The following FBXW11 variants were observed in gnomAD, a reference collection of about 807,000 sequenced individuals.
The protein encoded by FBXW11 is F-box/WD repeat-containing protein 11.
Under a neutral mutation model 77.6 loss-of-function variants are expected in FBXW11, and 19 were observed. The ratio of observed to expected loss-of-function variants is 0.24; its 90% CI spans 0.17 to 0.36. The LOEUF (loss-of-function observed/expected upper bound fraction) is 0.36. FBXW11 is among the 10% of genes least tolerant of loss of function. FBXW11 has a pLI of 1.00. For missense variants in FBXW11, 334 were observed against 704.2 expected, an observed-to-expected ratio of 0.47 and a Z score of 5.95; for synonymous variants, 235 against 249.4, an observed-to-expected ratio of 0.94 and a Z score of 0.54.
At chr5:171,957,203 G>A (rs1763658770) in intron 2 of FBXW11, among the ~76,000 whole-genome samples, 1 of 152,144 alleles carries the variant, frequency 6.6e-6, no homozygotes, top group Non-Finnish European at 1.5e-5. Flanking sequence ...CCAAAAGGAT[G>A]AGTTTCAAAA....
At position 171,868,618 on chromosome 5, in the gene FBXW11, G is replaced by T. The variant is rs766312829; in HGVS notation, c.*17C>A. The stretch of plus-strand genomic sequence containing the variant: ...GAGAGGATAGTACTCACCTGAAACG[G>T]GTGAAAGTGCAGACTGTTATCTAGA... On this transcript the variant is annotated 3_prime_UTR_variant, in exon 13 of 14. Coordinates refer to ENST00000517395, the MANE Select transcript of FBXW11 (RefSeq NM_001378974.1). 1.2e-6 allele frequency: 2 copies of T among 1,608,612 alleles called. No individual in the cohort carries two copies. Among genetic ancestry groups the T allele is most frequent in the African/African-American group, 1.3e-5 (1 of 74,810 alleles).
At chr5:171,988,443 G>A (rs756347276) in intron 1 of FBXW11, among the ~76,000 whole-genome samples, 3 of 152,196 alleles carry the variant, frequency 2.0e-5, no homozygotes, top group Non-Finnish European at 4.4e-5. Flanking sequence ...CTGAGCATTA[G>A]CAAAGACTGT....
At chr5:171,906,797 C>G (rs562223665) in intron 4 of FBXW11, among the ~76,000 whole-genome samples, 1 of 152,166 alleles carries the variant, frequency 6.6e-6, no homozygotes, top group East Asian at 1.9e-4. Flanking sequence ...TTTCCTGTCA[C>G]GCTGCTCTGG....
rs190012949 is a variant in FBXW11, at chr5:171,876,022, C to A, written c.1221+263G>T. Among the ~76,000 whole-genome samples, 1 of 152,080 alleles carries A rather than the reference C, an allele frequency of 6.6e-6. No homozygotes were observed. Among genetic ancestry groups the A allele is most frequent in the Admixed American group, 6.5e-5 (1 of 15,274 alleles). On this transcript the variant is annotated intron_variant, in intron 9 of 13. Coordinates refer to ENST00000517395, the MANE Select transcript of FBXW11 (RefSeq NM_001378974.1). This position sits in a 1 kb window ranked among gnomAD's most constrained non-coding sequence, Gnocchi z 4.2. ...CCCAACACACAATACATGATCAACA[C>A]GTTAGCACTCTTCCCCTTAAAAAGG...
chr5:171,911,306 C>A (rs1488999403), intron 3 of FBXW11, among the ~76,000 whole-genome samples: 1 of 152,178 alleles, frequency 6.6e-6, no homozygotes, highest in African/African-American at 2.4e-5. Flanking sequence ...TTGTTAAACA[C>A]ACAGATTGCT....
chr5:171,968,806 T>C (rs1434423212), intron 1 of FBXW11, among the ~76,000 whole-genome samples: 1 of 152,180 alleles, frequency 6.6e-6, no homozygotes, highest in Non-Finnish European at 1.5e-5. Flanking sequence ...CTGCATCGCT[T>C]CCTGCTCCTT....
At chr5:171,874,561 G>A (rs1371304567) in intron 9 of FBXW11, among the ~76,000 whole-genome samples, 3 of 152,072 alleles carry the variant, frequency 2.0e-5, no homozygotes, top group African/African-American at 4.8e-5. Context: ...TACACACTTC[G>A]TGATTTGTGG....
intron 1 of FBXW11, chr5:171,977,540 C>T (rs937387145): frequency 9.5e-5 from 42 of 441,690 alleles, no homozygotes; most frequent in African/African-American, 5.5e-4. Flanking sequence ...CAGGGGATTA[C>T]GCAATACATT....
At chr5:171,884,950 T>C (rs1365583763) in intron 7 of FBXW11, among the ~76,000 whole-genome samples, 1 of 152,224 alleles carries the variant, frequency 6.6e-6, no homozygotes, top group Admixed American at 6.5e-5. Flanking sequence ...TAAACAGGCC[T>C]TCAAGAAGGG....
chr5:171,988,242 C>T (rs1765548691), intron 1 of FBXW11, among the ~76,000 whole-genome samples: 1 of 152,006 alleles, frequency 6.6e-6, no homozygotes, highest in Non-Finnish European at 1.5e-5. Flanking sequence ...TAAAAAGAAC[C>T]AGAGCCTTGG....
intron 8 of FBXW11, among the ~76,000 whole-genome samples, chr5:171,877,600 G>C (rs1758180704): frequency 6.6e-6 from 1 of 152,038 alleles, no homozygotes; most frequent in Non-Finnish European, 1.5e-5. Context: ...GGCAGAAGCA[G>C]GGGTACGGAA....
rs774767181 is a variant in FBXW11 at position 172,006,526 on chromosome 5, G to C, written c.-24C>G. 2.0e-6 allele frequency: 3 copies of C among 1,498,456 alleles called. No homozygotes were observed. Among genetic ancestry groups the C allele is most frequent in the Middle Eastern group, 1.7e-4 (1 of 5,836 alleles). The allele number at this position is 1,498,456 out of a possible 1,614,324, so 92.8% of individuals were successfully genotyped here. On this transcript the variant is annotated 5_prime_UTR_variant, in exon 1 of 14. Coordinates refer to ENST00000517395, the MANE Select transcript of FBXW11 (RefSeq NM_001378974.1). Reference sequence around the variant, plus strand: ...ATGGCGGCCCCGGCGGCCCCGCCTCGCTCTCCCCGCGCAGCAGCGAACGGC... The same window carrying C: ...ATGGCGGCCCCGGCGGCCCCGCCTCCCTCTCCCCGCGCAGCAGCGAACGGC...
chr5:171,920,180 A>G (rs1761510173), intron 2 of FBXW11, among the ~76,000 whole-genome samples: 1 of 151,918 alleles, frequency 6.6e-6, no homozygotes, highest in Non-Finnish European at 1.5e-5. Context: ...AAAAAAAAAG[A>G]AAAGAAGAGA....
At chr5:171,890,100 C>T (rs1038305861) in intron 7 of FBXW11, among the ~76,000 whole-genome samples, 2 of 151,922 alleles carry the variant, frequency 1.3e-5, no homozygotes, top group Non-Finnish European at 2.9e-5. Flanking sequence ...CAGGTAAGCA[C>T]ATAAAAAGAT....
chr5:171,903,346 G>A (rs926141929), intron 4 of FBXW11, among the ~76,000 whole-genome samples: 2 of 152,084 alleles, frequency 1.3e-5, no homozygotes, highest in South Asian at 2.1e-4. Context: ...CAATCCTCCT[G>A]CCTTGGTCTT....
intron 2 of FBXW11, among the ~76,000 whole-genome samples, chr5:171,934,740 A>C (rs1762385101): frequency 6.6e-6 from 1 of 151,960 alleles, no homozygotes; most frequent in African/African-American, 2.4e-5. Context: ...AAAACAACCC[A>C]AGAGAATAAA....
chr5:171,940,353 G>A (rs891719358), intron 2 of FBXW11, among the ~76,000 whole-genome samples: 4 of 152,108 alleles, frequency 2.6e-5, no homozygotes. Context: ...TTTTTATATA[G>A]ACAAAAAATT....
chr5:172,005,600 T>C (rs980190838), intron 1 of FBXW11, among the ~76,000 whole-genome samples: 21 of 152,020 alleles, frequency 1.4e-4, no homozygotes, highest in African/African-American at 4.3e-4. Context: ...TGGCTGCCAG[T>C]GGTTTCTAAC....
chr5:171,891,747 C>CA, intron 6 of FBXW11, 143 bp from the exon 7 acceptor site: 1 of 726,978 alleles, frequency 1.4e-6, no homozygotes, highest in East Asian at 2.9e-5. Flanking sequence ...TAGGATCATG[C>CA]TCTTTTCCAA....
Sources: allele counts gnomAD v4.1 joint callset (sites outside exome capture counted in the v4.1 genomes callset), GRCh38; gene constraint gnomAD v4.1.1; non-coding constraint Gnocchi (gnomAD v3.1); transcripts MANE v1.5; gene names NCBI Gene and HGNC (gene_info 2026-07-23, HGNC 2026-07-21).